Variants in TRAPPC10 observed in about 807,000 individuals in gnomAD.
TRAPPC10 encodes TRAPP 130 kDa subunit.
In TRAPPC10, 23 loss-of-function variants were observed where a neutral mutation model predicts 125.5. The ratio of observed to expected loss-of-function variants is 0.18; its 90% CI spans 0.13 to 0.26. The LOEUF (loss-of-function observed/expected upper bound fraction) is 0.26. Ranked by LOEUF, TRAPPC10 falls within the 10% of genes least tolerant of loss-of-function variation. The probability of loss-of-function intolerance (pLI) is 1.00; values close to 1 mark genes in which losing one functional copy is unlikely to be tolerated. For missense variants in TRAPPC10, 1,123 were observed against 1,308.4 expected, an observed-to-expected ratio of 0.86 and a Z score of 2.19; for synonymous variants, 509 against 518.0, an observed-to-expected ratio of 0.98 and a Z score of 0.24.
chr21:44,016,134 G>T (rs1488737557), intron 1 of TRAPPC10, among the ~76,000 whole-genome samples: 1 of 152,154 alleles, frequency 6.6e-6, no homozygotes, highest in African/African-American at 2.4e-5. Flanking sequence ...ATAGCAATAG[G>T]AAAACTTGTA....
At position 44,071,389 on chromosome 21, in the gene TRAPPC10, T is replaced by C. The variant is rs192659181; in HGVS notation, c.1039-2935T>C. Among the ~76,000 whole-genome samples the C allele has an allele frequency of 4.9e-4, 74 of 152,324 alleles. 1 individual carries two copies. In the Middle Eastern group the frequency reaches 0.02, roughly 42 times the overall value. ...TTTGCCACTTGTTTTTTCAAAGCAA[T>C]GAAAAAGTATCACTGCAATTAGGTT... On this transcript the variant is annotated intron_variant, in intron 7 of 22. Transcript: ENST00000291574.
At chr21:44,081,021 T>TC (rs2037690978) in intron 13 of TRAPPC10, among the ~76,000 whole-genome samples, 1 of 136,198 alleles carries the variant, frequency 7.3e-6, no homozygotes, top group Non-Finnish European at 1.5e-5. Context: ...TTTTTTCTTT[T>TC]TTTTTTTTTT....
intron 6 of TRAPPC10, among the ~76,000 whole-genome samples, chr21:44,061,556 C>T (rs140633786): frequency 9.2e-5 from 14 of 152,098 alleles, no homozygotes; most frequent in African/African-American, 2.4e-4. Flanking sequence ...CGTGAGCCAC[C>T]GCACCTGGCC....
At chr21:44,070,915 C>T (rs1420133347) in intron 7 of TRAPPC10, among the ~76,000 whole-genome samples, 7 of 152,202 alleles carry the variant, frequency 4.6e-5, no homozygotes, top group Non-Finnish European at 7.3e-5. Context: ...GAGAAGTCAT[C>T]CCTCCGTTGA....
intron 9 of TRAPPC10, among the ~76,000 whole-genome samples, chr21:44,075,712 C>T (rs769688407): frequency 6.6e-6 from 1 of 152,174 alleles, no homozygotes; most frequent in Non-Finnish European, 1.5e-5. Flanking sequence ...TCTCAAACTC[C>T]TGGCCTAAAG....
At chr21:44,072,779 T>C (rs1423382498) in intron 7 of TRAPPC10, among the ~76,000 whole-genome samples, 2 of 152,218 alleles carry the variant, frequency 1.3e-5, no homozygotes, top group African/African-American at 4.8e-5. Context: ...TAGGAGGTCT[T>C]TCTGTCACCA....
In TRAPPC10 at chr21:44,032,102, C is replaced by A; in HGVS notation, c.79C>A (p.Gln27Lys). 6.2e-7 allele frequency: 1 copy of A among 1,613,150 alleles called. No homozygotes were observed. The highest frequency in any genetic ancestry group is 8.5e-7 in the Non-Finnish European group (1 of 1,179,590). ...TCTTCCCTTCATAGGTGCTGGAGAT[C>A]AGAATTTATTTACCTCTGTTTATCC... ...NKPIVTCAGD[Q>K]NLFTSVYPTL... Residue 27 changes from glutamine to lysine, a missense_variant, in exon 2 of 23, where the codon CAG becomes AAG. Physicochemically the swap from Gln to Lys is moderately conservative, Grantham distance 53. Coordinates refer to ENST00000291574, the MANE Select transcript of TRAPPC10 (RefSeq NM_003274.5).
chr21:44,019,634 G>A (rs2032268716), intron 1 of TRAPPC10, among the ~76,000 whole-genome samples: 1 of 151,944 alleles, frequency 6.6e-6, no homozygotes, highest in African/African-American at 2.4e-5. Context: ...CTATATATAG[G>A]GCCTGCCTGG....
Position 44,090,775 on chromosome 21 carries a change from G to A in TRAPPC10, c.2870+842G>A, listed in dbSNP as rs147422749. Among the ~76,000 whole-genome samples the A allele has an allele frequency of 6.6e-5, 10 of 152,276 alleles. No homozygotes were observed. In the East Asian group the frequency reaches 1.9e-3, roughly 29 times the overall value. On this transcript the variant is annotated intron_variant, in intron 18 of 22. Transcript: ENST00000291574. ...GTGTGGATAATTTGGAAACAAAAAC[G>A]TCAGACCCATGTTTAGAATGGAACA...
intron 1 of TRAPPC10, among the ~76,000 whole-genome samples, chr21:44,013,409 T>C (rs2031405128): frequency 6.6e-6 from 1 of 152,200 alleles, no homozygotes; most frequent in Non-Finnish European, 1.5e-5. Context: ...TTCAGACTGT[T>C]ACGATTTTTG....
chr21:44,075,539 G>A (rs2037213816), intron 9 of TRAPPC10, among the ~76,000 whole-genome samples: 1 of 151,772 alleles, frequency 6.6e-6, no homozygotes, highest in Non-Finnish European at 1.5e-5. Context: ...AGACTGGAGT[G>A]TAGTGGCACA....
At chr21:44,051,366 G>A (rs1040302659) in intron 3 of TRAPPC10, among the ~76,000 whole-genome samples, 5 of 152,184 alleles carry the variant, frequency 3.3e-5, no homozygotes, top group African/African-American at 1.2e-4. Context: ...GAGTTACTGT[G>A]TCCAGATATT....
rs113740483 is a variant in TRAPPC10 at position 44,076,666 on chromosome 21, T to C, written c.1377+38T>C. The C allele has an allele frequency of 3.7e-3, 5,731 of 1,529,192 alleles. 154 individuals are homozygous for C. The African/African-American group carries it at 0.06, about 16-fold the overall frequency. 94.7% of individuals were successfully genotyped at this position (1,529,192 alleles called of 1,614,324 possible). ...AAGTGTTCAATGTCTGTTCTGTGAATACCTGTCTCTAGAAGGCTTTGCTAC... is the reference window on the plus strand; with the variant it reads ...AAGTGTTCAATGTCTGTTCTGTGAACACCTGTCTCTAGAAGGCTTTGCTAC... On this transcript the variant is annotated intron_variant, in intron 10 of 22. Transcript: ENST00000291574.
intron 5 of TRAPPC10, among the ~76,000 whole-genome samples, chr21:44,057,034 C>T (rs2035647039): frequency 6.6e-6 from 1 of 152,028 alleles, no homozygotes; most frequent in South Asian, 2.1e-4. Flanking sequence ...CACACTACAG[C>T]ATGGATGGGC....
intron 1 of TRAPPC10, 44 bp downstream of exon 1, chr21:44,012,604 G>C: frequency 6.6e-7 from 1 of 1,504,828 alleles, no homozygotes; most frequent in Non-Finnish European, 9.0e-7. Flanking sequence ...CGTTGGGCGG[G>C]CCCGGGCCCT....
chr21:44,072,715 C>T (rs550258843), intron 7 of TRAPPC10, among the ~76,000 whole-genome samples: 11 of 152,306 alleles, frequency 7.2e-5, no homozygotes, highest in Middle Eastern at 3.4e-3. Context: ...CTGCCCACCT[C>T]GGCCTCCCAA....
rs1390263103 is a variant in TRAPPC10, at chr21:44,077,789, T to C, written c.1469+5T>C. The C allele has an allele frequency of 6.3e-6, 10 of 1,596,494 alleles. No individual in the cohort carries two copies. The highest frequency in any genetic ancestry group is 1.3e-5 in the African/African-American group (1 of 74,800). ...AGATCTGGCAGAGTTTTACATGTAATTGATTTTGTACTTTTCTTTGAATTC... is the reference window on the plus strand; with the variant it reads ...AGATCTGGCAGAGTTTTACATGTAACTGATTTTGTACTTTTCTTTGAATTC... On this transcript the variant is annotated splice_donor_5th_base_variant and intron_variant, in intron 11 of 22. Coordinates refer to ENST00000291574, the MANE Select transcript of TRAPPC10 (RefSeq NM_003274.5).
Position 44,086,980 on chromosome 21 carries a change from G to C in TRAPPC10, c.2539+20G>C. On this transcript the variant is annotated intron_variant, in intron 16 of 22. Coordinates refer to ENST00000291574, the MANE Select transcript of TRAPPC10 (RefSeq NM_003274.5). ...CGAGAGGTGAGGTGCCGCCCACCCA[G>C]GCCCAAGGAGGATGCCCACCTTGCC... The C allele has an allele frequency of 6.2e-7, 1 of 1,612,524 alleles. No homozygotes were observed.
intron 1 of TRAPPC10, among the ~76,000 whole-genome samples, chr21:44,029,006 T>C (rs1270908881): frequency 6.6e-6 from 1 of 152,268 alleles, no homozygotes; most frequent in Admixed American, 6.5e-5. Flanking sequence ...CTACAAAGTC[T>C]GTGTTGTTAA....
Sources: gnomAD v4.1 joint callset for allele counts (sites outside exome capture counted in the v4.1 genomes callset) on GRCh38, gnomAD v4.1.1 for gene constraint, MANE v1.5 for transcripts, NCBI Gene and HGNC (gene_info 2026-07-23, HGNC 2026-07-21) for gene names.